Variants in QRICH1 observed in about 807,000 individuals in gnomAD.
The protein encoded by QRICH1 is transcriptional regulator QRICH1.
Under a neutral mutation model 87.1 loss-of-function variants are expected in QRICH1, and 16 were observed. That is an observed-to-expected ratio of 0.18 (90% CI 0.12 to 0.28). The LOEUF (loss-of-function observed/expected upper bound fraction) is 0.28, where lower values mean the gene tolerates loss of function less well. Ranked by LOEUF, QRICH1 falls within the 10% of genes least tolerant of loss-of-function variation. The pLI is 1.00. For missense variants in QRICH1, 647 were observed against 951.7 expected, an observed-to-expected ratio of 0.68 and a Z score of 4.21; for synonymous variants, 367 against 368.4, an observed-to-expected ratio of 1.00 and a Z score of 0.05.
intron 2 of QRICH1, among the ~76,000 whole-genome samples, chr3:49,066,866 C>T (rs958968580): frequency 2.0e-5 from 3 of 151,798 alleles, no homozygotes; most frequent in African/African-American, 4.8e-5. Context: ...GGTTAAACCC[C>T]GTCTCTAATA....
chr3:49,051,583 C>T (rs1481656069), intron 3 of QRICH1, among the ~76,000 whole-genome samples: 1 of 28,278 alleles, frequency 3.5e-5, no homozygotes, highest in Non-Finnish European at 5.9e-5. Context: ...ACCCCCCCTG[C>T]GCCCCCCCCC....
intron 2 of QRICH1, 120 bp from the exon 3 acceptor site, chr3:49,058,010 T>G: frequency 6.5e-7 from 1 of 1,531,542 alleles, no homozygotes; most frequent in Non-Finnish European, 8.8e-7. Flanking sequence ...AACACTGGCA[T>G]ACTCAAGGCT....
In QRICH1 at chr3:49,044,394, T is replaced by G; in HGVS notation, c.1782A>C (p.Pro594=). 3 of 1,605,086 alleles carry G rather than the reference T, an allele frequency of 1.9e-6. No homozygotes were observed. Among genetic ancestry groups the G allele is most frequent in the Non-Finnish European group, 2.6e-6 (3 of 1,174,144 alleles). ...AAGGACAAGGGAGACTCTTACCAAG[T>G]GGAGTGACCCGGGGCTGAACATCCT... ...VLKDVQPRVT[P]LGYVLPSHVT... is the part of the protein sequence containing the mutation. The change falls in exon 6 of 10, where the codon CCA becomes CCC. Residue 594 remains proline, a synonymous_variant. Coordinates refer to ENST00000395443, the MANE Select transcript of QRICH1 (RefSeq NM_198880.3).
chr3:49,077,111 C>A (rs7626445), intron 1 of QRICH1, 73 bp from the exon 2 acceptor site: 1 of 1,030,632 alleles, frequency 9.7e-7, no homozygotes, highest in Non-Finnish European at 1.3e-6. Flanking sequence ...TACCCTTGCA[C>A]AAGAGTGGAA....
rs2093406770 is a variant in QRICH1, at chr3:49,057,073, A to G, written c.1127T>C (p.Val376Ala). Reference sequence around the variant, plus strand: ...AAAGAGAGAGTTTGCAAGGGTCTGCACTACCTCTTCATGGGAGTTTTTCAC... The same window carrying G: ...AAAGAGAGAGTTTGCAAGGGTCTGCGCTACCTCTTCATGGGAGTTTTTCAC... ...SVVKNSHEEV[V>A]QTLANSLFPA... The change falls in exon 3 of 10, where the codon GTG (valine) becomes GCG (alanine). Residue 376 changes from valine to alanine, a missense_variant. Val to Ala is a moderately conservative substitution (Grantham distance 64). Transcript: ENST00000395443. This position sits in a 1 kb window ranked among gnomAD's most constrained non-coding sequence, Gnocchi z 5.4. The G allele has an allele frequency of 1.2e-6, 2 of 1,614,242 alleles. No individual in the cohort carries two copies. Among genetic ancestry groups the G allele is most frequent in the Non-Finnish European group, 1.7e-6 (2 of 1,180,038 alleles).
At chr3:49,030,851 C>T (rs2093232812) in intron 9 of QRICH1, among the ~76,000 whole-genome samples, 1 of 152,152 alleles carries the variant, frequency 6.6e-6, no homozygotes, top group Non-Finnish European at 1.5e-5. Context: ...TACTTCCCCT[C>T]TGCCCCTCCT....
chr3:49,032,698 GTTC>G lies in QRICH1; in HGVS notation c.1968_1970del (p.Lys656del). The stretch of plus-strand genomic sequence containing the variant: ...TGCTTTTATCCTTGGGATTAGAGGG[GTTC>G]TTCTTTGTCTGTCGCAAGACCTTGG... On this transcript the variant is annotated inframe_deletion, in exon 8 of 10. Coordinates refer to ENST00000395443, the MANE Select transcript of QRICH1 (RefSeq NM_198880.3). 1 of 1,612,930 alleles carries G rather than the reference GTTC, an allele frequency of 6.2e-7. No individual in the cohort carries two copies. The highest frequency in any genetic ancestry group is 8.5e-7 in the Non-Finnish European group (1 of 1,179,520).
chr3:49,056,366 G>A (rs1008392559), intron 3 of QRICH1, among the ~76,000 whole-genome samples: 1 of 152,124 alleles, frequency 6.6e-6, no homozygotes, highest in African/African-American at 2.4e-5. Flanking sequence ...GGCTCCTTAT[G>A]AGTTATTTTA....
chr3:49,087,072 C>G (rs1385420575), intron 1 of QRICH1: 1 of 151,552 alleles, frequency 6.6e-6, no homozygotes, highest in Non-Finnish European at 1.5e-5. Context: ...GTCTGGCCAA[C>G]GTGGTGAAAT....
chr3:49,091,543 T>C (rs1376974690), intron 1 of QRICH1, among the ~76,000 whole-genome samples: 1 of 152,208 alleles, frequency 6.6e-6, no homozygotes, highest in African/African-American at 2.4e-5. Context: ...TAAACCACTA[T>C]TTGATCTTTA....
chr3:49,066,403 A>G (rs573452902), intron 2 of QRICH1, among the ~76,000 whole-genome samples: 1 of 152,212 alleles, frequency 6.6e-6, no homozygotes, highest in African/African-American at 2.4e-5. Context: ...TCTGGTTACT[A>G]TCACTGAATC....
intron 4 of QRICH1, among the ~76,000 whole-genome samples, 158 bp from the exon 5 acceptor site, chr3:49,046,737 G>A (rs1275341300): frequency 2.6e-5 from 4 of 152,150 alleles, no homozygotes; most frequent in African/African-American, 7.2e-5. Flanking sequence ...TATAACATGA[G>A]TATATGAGCC....
intron 1 of QRICH1, among the ~76,000 whole-genome samples, chr3:49,080,243 A>G (rs2042032364): frequency 6.6e-6 from 1 of 152,150 alleles, no homozygotes; most frequent in Non-Finnish European, 1.5e-5. Flanking sequence ...TGGAATTTAC[A>G]TTTCCTGAAA....
intron 2 of QRICH1, among the ~76,000 whole-genome samples, chr3:49,076,357 A>C (rs1245017793): frequency 6.6e-6 from 1 of 152,148 alleles, no homozygotes; most frequent in African/African-American, 2.4e-5. Flanking sequence ...TCCTGGGAAA[A>C]GGTGCTGCCA....
chr3:49,040,411 C>T (rs2093303243), intron 6 of QRICH1, among the ~76,000 whole-genome samples: 1 of 152,178 alleles, frequency 6.6e-6, no homozygotes, highest in Non-Finnish European at 1.5e-5. Flanking sequence ...AGTTGGAGAC[C>T]TGCCTGGGCA....
At chr3:49,073,798 C>A (rs2106967784) in intron 2 of QRICH1, among the ~76,000 whole-genome samples, 1 of 151,820 alleles carries the variant, frequency 6.6e-6, no homozygotes, top group Admixed American at 6.6e-5. Flanking sequence ...AGGCGTGCAT[C>A]ACCACACCCA....
At chr3:49,046,388 C>T in intron 5 of QRICH1, 37 bp downstream of exon 5, 2 of 1,578,216 alleles carry the variant, frequency 1.3e-6, no homozygotes, top group Non-Finnish European at 8.6e-7. Context: ...AATAGGAACA[C>T]AGCTCAAACA....
intron 2 of QRICH1, among the ~76,000 whole-genome samples, chr3:49,074,718 C>A (rs1054578995): frequency 2.6e-5 from 4 of 152,004 alleles, no homozygotes; most frequent in Non-Finnish European, 5.9e-5. Flanking sequence ...GTGGCTCATG[C>A]CTGTAATCCC....
Position 49,066,374 on chromosome 3 carries a change from T to C in QRICH1, c.310-8484A>G, listed in dbSNP as rs914766631. On this transcript the variant is annotated intron_variant, in intron 2 of 9. Coordinates refer to ENST00000395443, the MANE Select transcript of QRICH1 (RefSeq NM_198880.3). ...TTTTTAAATTATAATACGGCTTGCT[T>C]AAAACAAAATGTCAAAAATCTGGTT... Among the ~76,000 whole-genome samples, 10 of 152,158 alleles carry C rather than the reference T, an allele frequency of 6.6e-5. 1 individual carries two copies. The highest frequency in any genetic ancestry group is 2.4e-4 in the African/African-American group (10 of 41,442).
Sources: allele counts gnomAD v4.1 joint callset (sites outside exome capture counted in the v4.1 genomes callset), GRCh38; gene constraint gnomAD v4.1.1; non-coding constraint Gnocchi (gnomAD v3.1); transcripts MANE v1.5; gene names NCBI Gene and HGNC (gene_info 2026-07-23, HGNC 2026-07-21).